Variants in POLI observed in about 807,000 individuals in gnomAD.
POLI encodes the protein DNA polymerase iota, also known as RAD30 homolog B.
Under a neutral mutation model 51.6 loss-of-function variants are expected in POLI, and 58 were observed. The observed-to-expected ratio is 1.12, with a 90% CI of 0.91 to 1.40. The LOEUF is 1.40. Ranked by LOEUF, POLI falls within the 40% of genes most tolerant of loss-of-function variation. POLI has a pLI of 0.00. For synonymous variants in POLI, 322 were observed against 299.7 expected (o/e 1.07, Z -0.77); for missense variants, 921 against 871.3 (o/e 1.06, Z -0.72).
intron 3 of POLI, among the ~76,000 whole-genome samples, chr18:54,314,034 A>G (rs1394786851): frequency 1.3e-5 from 2 of 152,172 alleles, no homozygotes; most frequent in African/African-American, 4.8e-5. Context: ...TCTGATTTTC[A>G]AAGGGAATGC....
intron 8 of POLI, chr18:54,291,599 CTTT>C (rs1454190383): frequency 3.7e-6 from 1 of 273,764 alleles, no homozygotes; most frequent in African/African-American, 2.2e-5. Flanking sequence ...TTTATAGTAG[CTTT>C]TTGAGAGAGG....
At chr18:54,269,865 G>T (rs2086922405) in intron 1 of POLI, 13 of 1,326,874 alleles carry the variant, frequency 9.8e-6, no homozygotes, top group Non-Finnish European at 1.2e-5. Flanking sequence ...GTAGGGTGGG[G>T]CGCGTCCACA....
At position 54,297,968 on chromosome 18, in the gene POLI, C is replaced by A; in HGVS notation, c.*3501C>A. 2 of 981,184 alleles carry A rather than the reference C, an allele frequency of 2.0e-6. No individual in the cohort carries two copies. Among genetic ancestry groups the A allele is most frequent in the Non-Finnish European group, 2.4e-6 (2 of 826,146 alleles). 60.8% of individuals were successfully genotyped at this position (981,184 alleles called of 1,614,324 possible). A position where few individuals can be genotyped will look rare whatever the true frequency, so the allele number is the denominator to read the frequency against. ...AGAGCTGTAGATTTAGAACTGACAT[C>A]TCTTGAGCTGTTCTAAGATAATATC... On this transcript the variant is annotated 3_prime_UTR_variant, in exon 10 of 10. Transcript: ENST00000579534.
chr18:54,319,446 T>C (rs2088769554), intron 3 of POLI, among the ~76,000 whole-genome samples: 1 of 152,206 alleles, frequency 6.6e-6, no homozygotes, highest in Admixed American at 6.5e-5. Flanking sequence ...AGACTATGAC[T>C]ATTTATATTT....
At chr18:54,307,784 T>A (rs62091234) in intron 3 of POLI, among the ~76,000 whole-genome samples, 2 of 152,202 alleles carry the variant, frequency 1.3e-5, no homozygotes, top group African/African-American at 2.4e-5. Flanking sequence ...TGGGTGCATA[T>A]ATATTTAGGA....
At chr18:54,291,542 T>C in intron 8 of POLI, 1 of 216,342 alleles carries the variant, frequency 4.6e-6, no homozygotes, top group Non-Finnish European at 9.2e-6. Flanking sequence ...CTTTGGTTCA[T>C]TTCCAGATTT....
intron 3 of POLI, among the ~76,000 whole-genome samples, chr18:54,316,037 T>C (rs2088730629): frequency 6.6e-6 from 1 of 152,050 alleles, no homozygotes; most frequent in Admixed American, 6.6e-5. Flanking sequence ...TGCCTCAGCC[T>C]CCTGAGTAGC....
chr18:54,293,894 A>G lies in POLI; in HGVS notation c.1650A>G (p.Glu550=). 6.2e-7 allele frequency: 1 copy of G among 1,613,278 alleles called. No individual in the cohort carries two copies. Among genetic ancestry groups the G allele is most frequent in the Non-Finnish European group, 8.5e-7 (1 of 1,179,502 alleles). The part of the protein sequence containing the change: ...QEEILSGKSR[E]KFQGKGSVSC... ...AAATCCTTTCTGGAAAATCTAGGGAAAAATTTCAAGGGAAAGGAAGTGTGA... is the reference window on the plus strand; with the variant it reads ...AAATCCTTTCTGGAAAATCTAGGGAGAAATTTCAAGGGAAAGGAAGTGTGA... The change falls in exon 10 of 10, where the codon GAA becomes GAG. Residue 550 remains glutamate (E), a synonymous_variant. Transcript: ENST00000579534.
At position 54,294,050 on chromosome 18, in the gene POLI, G is replaced by A. The variant is rs748331249; in HGVS notation, c.1806G>A (p.Pro602=). ...TATCCTCTGTATCTCCTTGTGAACC[G>A]GGAACATCAGGCTTTAATAGCAGTA... ...KQVSSVSPCE[P]GTSGFNSSSS... Residue 602 remains proline (P), a synonymous_variant, in exon 10 of 10, where the codon CCG becomes CCA. Coordinates refer to ENST00000579534, the MANE Select transcript of POLI (RefSeq NM_007195.3). The A allele has an allele frequency of 2.6e-5, 42 of 1,612,760 alleles. No individual in the cohort carries two copies. Among genetic ancestry groups the A allele is most frequent in the South Asian group, 7.7e-5 (7 of 91,060 alleles).
intron 7 of POLI, among the ~76,000 whole-genome samples, chr18:54,284,276 A>G (rs544714177): frequency 6.6e-6 from 1 of 152,338 alleles, no homozygotes; most frequent in South Asian, 2.1e-4. Context: ...ATAGTTACCT[A>G]AAGGGGTTTT....
intron 3 of POLI, among the ~76,000 whole-genome samples, chr18:54,276,044 T>A (rs957705050): frequency 2.6e-5 from 4 of 151,906 alleles, no homozygotes; most frequent in Non-Finnish European, 5.9e-5. Context: ...GTTTAATAAA[T>A]GTATCTTGCT....
upstream of POLI, chr18:54,269,504 G>A: frequency 6.7e-7 from 1 of 1,501,364 alleles, no homozygotes; most frequent in Non-Finnish European, 8.8e-7. Flanking sequence ...CTGGAGACCA[G>A]GCGGAAGCGG....
Position 54,295,882 on chromosome 18 carries a change from C to T in POLI, c.*1415C>T. On this transcript the variant is annotated 3_prime_UTR_variant, in exon 10 of 10. Transcript: ENST00000579534. ...GTCTCAGGTGATCCTCCACCTTGGC[C>T]TCCCAAAGTGCTGGGATTACAGGTG... 2.4e-6 allele frequency: 2 copies of T among 829,514 alleles called. No homozygotes were observed. Among genetic ancestry groups the T allele is most frequent in the Non-Finnish European group, 2.9e-6 (2 of 687,724 alleles). 51.4% of individuals were successfully genotyped at this position (829,514 alleles called of 1,614,324 possible).
At chr18:54,271,993 A>G (rs1330150983) in intron 2 of POLI, among the ~76,000 whole-genome samples, 1 of 152,194 alleles carries the variant, frequency 6.6e-6, no homozygotes, top group Non-Finnish European at 1.5e-5. Context: ...GCCAAAATAA[A>G]TTTTATATTG....
chr18:54,300,053 C>T (rs908405849), downstream of POLI, among the ~76,000 whole-genome samples: 3 of 151,748 alleles, frequency 2.0e-5, no homozygotes, highest in East Asian at 1.9e-4. Context: ...AACTCATGCC[C>T]GGTAGACCTA....
At chr18:54,279,403 C>T (rs3730733) in intron 4 of POLI, among the ~76,000 whole-genome samples, 27,607 of 151,826 alleles carry the variant, frequency 0.18, 2,699 homozygotes, top group Middle Eastern at 0.25. Context: ...CCACTACACC[C>T]GGCTAATTTT....
chr18:54,293,468 T>C (rs2088122751), intron 9 of POLI, among the ~76,000 whole-genome samples, 181 bp from the exon 10 acceptor site: 1 of 152,082 alleles, frequency 6.6e-6, no homozygotes, highest in Admixed American at 6.6e-5. Context: ...GGGTAGAGAT[T>C]CACAAAATAG....
intron 3 of POLI, among the ~76,000 whole-genome samples, chr18:54,317,135 T>A (rs369248484): frequency 6.6e-6 from 1 of 152,284 alleles, no homozygotes; most frequent in East Asian, 1.9e-4. Flanking sequence ...AGAAAGTGCT[T>A]ACAATATTTC....
chr18:54,297,159 G>C lies in POLI; in HGVS notation c.*2692G>C. 3.0e-6 allele frequency: 3 copies of C among 985,396 alleles called. No homozygotes were observed. The South Asian group carries it at 1.4e-4, about 46-fold the overall frequency. The allele number at this position is 985,396 out of a possible 1,614,324, so 61.0% of individuals were successfully genotyped here. A position where few individuals can be genotyped will look rare whatever the true frequency, so the allele number is the denominator to read the frequency against. On this transcript the variant is annotated 3_prime_UTR_variant, in exon 10 of 10. Coordinates refer to ENST00000579534, the MANE Select transcript of POLI (RefSeq NM_007195.3). The stretch of plus-strand genomic sequence containing the variant: ...ACTAGCCGAAGGTTTTGTCTCTGCA[G>C]GTCAATTCCAAACTAACAGGCAGAT...
Sources: gnomAD v4.1 joint callset for allele counts (sites outside exome capture counted in the v4.1 genomes callset) on GRCh38, gnomAD v4.1.1 for gene constraint, MANE v1.5 for transcripts, NCBI Gene and HGNC (gene_info 2026-07-23, HGNC 2026-07-21) for gene names.